The following TUSC3 variants were observed in gnomAD, a reference collection of about 807,000 sequenced individuals.
The protein encoded by TUSC3 is tumor suppressor candidate 3, also known as dolichyl-diphosphooligosaccharide--protein glycosyltransferase subunit TUSC3.
A neutral mutation model predicts 44.8 loss-of-function variants in TUSC3; 45 were observed. The ratio of observed to expected loss-of-function variants is 1.00; its 90% CI spans 0.79 to 1.29. The LOEUF (loss-of-function observed/expected upper bound fraction) is 1.29, where lower values mean the gene tolerates loss of function less well. Ranked by LOEUF, TUSC3 falls within the 50% of genes most tolerant of loss-of-function variation. The pLI, the probability that TUSC3 is intolerant of heterozygous loss-of-function variation, is 0.00. For synonymous variants in TUSC3, 212 were observed against 152.9 expected (o/e 1.39, Z -2.85); for missense variants, 519 against 437.9 (o/e 1.19, Z -1.65).
chr8:15,569,776 A>G (rs1802803063), intron 1 of TUSC3, among the ~76,000 whole-genome samples: 1 of 151,554 alleles, frequency 6.6e-6, no homozygotes, highest in Non-Finnish European at 1.5e-5. Flanking sequence ...TCAGTTGAAA[A>G]TTTTTCTTCC....
At chr8:15,459,652 T>C (rs751341184) in intron 1 of TUSC3, among the ~76,000 whole-genome samples, 2 of 152,032 alleles carry the variant, frequency 1.3e-5, no homozygotes, top group Non-Finnish European at 2.9e-5. Flanking sequence ...CCAAAATCCA[T>C]TGTATCATTT....
At chr8:15,793,791 C>G in the TUSC3 span, among the ~76,000 whole-genome samples, 3 of 152,154 alleles carry the variant, frequency 2.0e-5, no homozygotes, top group African/African-American at 7.2e-5. Flanking sequence ...CATATAGGGT[C>G]TCACTAACTG....
At chr8:15,777,627 C>T in the TUSC3 span, among the ~76,000 whole-genome samples, 5 of 152,022 alleles carry the variant, frequency 3.3e-5, no homozygotes, top group African/African-American at 1.2e-4. Flanking sequence ...AATTTTTGCA[C>T]GTAATTTTAT....
the TUSC3 span, among the ~76,000 whole-genome samples, chr8:15,847,538 A>G: frequency 6.6e-6 from 1 of 152,274 alleles, no homozygotes; most frequent in East Asian, 1.9e-4. Context: ...CCTAGGTGAC[A>G]TCATTTTCTC....
At chr8:15,639,508 C>T (rs948852230) in intron 2 of TUSC3, among the ~76,000 whole-genome samples, 1 of 152,150 alleles carries the variant, frequency 6.6e-6, no homozygotes, top group Non-Finnish European at 1.5e-5. Context: ...TAGGTTATAA[C>T]TGAAATAAAT....
At chr8:15,820,819 T>A in the TUSC3 span, among the ~76,000 whole-genome samples, 1 of 152,204 alleles carries the variant, frequency 6.6e-6, no homozygotes, top group Non-Finnish European at 1.5e-5. Flanking sequence ...CAAATTCAAC[T>A]TTTCCCTCTT....
rs78221014 is a variant in TUSC3 at position 15,564,887 on chromosome 8, G to A, written c.138+24319G>A. ...CTGTGTTAGTGTGTCCCTGAGATTTGGAAGATAGAAGAGAAGGAGAGAGGC... is the reference window on the plus strand; with the variant it reads ...CTGTGTTAGTGTGTCCCTGAGATTTAGAAGATAGAAGAGAAGGAGAGAGGC... On this transcript the variant is annotated intron_variant, in intron 1 of 10. Coordinates refer to ENST00000503731, the MANE Select transcript of TUSC3 (RefSeq NM_006765.4). Among the ~76,000 whole-genome samples, 1,446 of 152,194 alleles carry A rather than the reference G, an allele frequency of 9.5e-3. 53 individuals carry two copies. Among genetic ancestry groups the A allele is most frequent in the East Asian group, 0.061 (316 of 5,158 alleles).
intron 6 of TUSC3, among the ~76,000 whole-genome samples, chr8:15,693,350 G>C (rs1017173799): frequency 5.3e-5 from 8 of 151,494 alleles, no homozygotes; most frequent in African/African-American, 1.9e-4. Context: ...GGTGGTTCTG[G>C]TGGTCATGAA....
chr8:15,832,607 G>A, the TUSC3 span, among the ~76,000 whole-genome samples: 1 of 152,022 alleles, frequency 6.6e-6, no homozygotes, highest in Non-Finnish European at 1.5e-5. Flanking sequence ...AGCAAATGGA[G>A]AACAGAAAAA....
chr8:15,849,831 T>G, the TUSC3 span, among the ~76,000 whole-genome samples: 2 of 152,120 alleles, frequency 1.3e-5, no homozygotes, highest in Non-Finnish European at 2.9e-5. Flanking sequence ...GCAAAGCATC[T>G]TGAAATGAGA....
At position 15,506,702 on chromosome 8, in the gene TUSC3, G is replaced by C. The variant is rs182363269; in HGVS notation, n.189+23219G>C. Among the ~76,000 whole-genome samples, 398 of 152,186 alleles carry C rather than the reference G, an allele frequency of 2.6e-3. 3 individuals are homozygous for C. Among genetic ancestry groups the C allele is most frequent in the African/African-American group, 8.9e-3 (369 of 41,532 alleles). ...ACTTATTCACTATCACGAGAACAGC[G>C]CAGGAAAAACCCGTCCCCATGATTC... On this transcript the variant is annotated intron_variant and non_coding_transcript_variant, in intron 2 of 5. Coordinates refer to the TUSC3 transcript ENST00000503191.
At chr8:15,559,808 A>C (rs1402911277) in intron 1 of TUSC3, among the ~76,000 whole-genome samples, 3 of 99,624 alleles carry the variant, frequency 3.0e-5, no homozygotes, top group Non-Finnish European at 4.1e-5. Flanking sequence ...CTGTTTTATC[A>C]GAGACTAGGA....
intron 1 of TUSC3, among the ~76,000 whole-genome samples, chr8:15,607,077 G>A (rs954021679): frequency 5.9e-5 from 9 of 152,046 alleles, no homozygotes; most frequent in African/African-American, 2.2e-4. Context: ...CTTTTACCCT[G>A]TGCTGTTCTC....
the TUSC3 span, among the ~76,000 whole-genome samples, chr8:15,774,444 G>A: frequency 5.1e-4 from 77 of 152,168 alleles, no homozygotes; most frequent in African/African-American, 1.8e-3. Context: ...TGGATGATTC[G>A]CCTGACTACA....
rs890481853 is a variant in TUSC3, at chr8:15,639,415, T to A, written c.309-11282T>A. Among the ~76,000 whole-genome samples the A allele has an allele frequency of 2.6e-5, 4 of 152,350 alleles. No homozygotes were observed. In the East Asian group the frequency reaches 7.7e-4, roughly 29 times the overall value. ...TTTTTTCATATTGATGAAAAACTCA[T>A]TGAAAAGTTTCTTGATAGACAGCTA... On this transcript the variant is annotated intron_variant, in intron 2 of 10. Coordinates refer to ENST00000503731, the MANE Select transcript of TUSC3 (RefSeq NM_006765.4).
chr8:15,759,547 G>A (rs1292352916), intron 10 of TUSC3, among the ~76,000 whole-genome samples: 1 of 151,980 alleles, frequency 6.6e-6, no homozygotes, highest in Non-Finnish European at 1.5e-5. Flanking sequence ...TTCACAGGAA[G>A]GGAAAAGGAA....
At chr8:15,461,550 G>C (rs1800345455) in intron 1 of TUSC3, among the ~76,000 whole-genome samples, 1 of 151,944 alleles carries the variant, frequency 6.6e-6, no homozygotes, top group African/African-American at 2.4e-5. Flanking sequence ...GATTTCTCCG[G>C]CTAGGACTTC....
intron 1 of TUSC3, among the ~76,000 whole-genome samples, chr8:15,476,513 C>T (rs916106485): frequency 8.6e-5 from 13 of 152,014 alleles, no homozygotes; most frequent in African/African-American, 2.2e-4. Flanking sequence ...ATTTCTTAAA[C>T]GTGATTTACA....
chr8:15,519,502 G>A (rs183522983), intron 2 of TUSC3, among the ~76,000 whole-genome samples: 235 of 152,190 alleles, frequency 1.5e-3, no homozygotes, highest in African/African-American at 5.4e-3. Flanking sequence ...CACAGCAGGA[G>A]GTGAGTGACA....
Sources: gnomAD v4.1 joint callset for allele counts (sites outside exome capture counted in the v4.1 genomes callset) on GRCh38, gnomAD v4.1.1 for gene constraint, MANE v1.5 for transcripts, NCBI Gene and HGNC (gene_info 2026-07-23, HGNC 2026-07-21) for gene names.